Variants in ACACB observed in about 807,000 individuals in gnomAD.
The protein encoded by ACACB is acetyl-CoA carboxylase beta.
ACACB carries 209 observed loss-of-function variants against 278.8 expected under a neutral mutation model. The observed-to-expected ratio is 0.75, with a 90% CI of 0.67 to 0.84. ACACB has a LOEUF of 0.84. Among genes scored for constraint, ACACB ranks in the 40% least tolerant of loss-of-function variants. ACACB has a pLI of 0.00. For synonymous variants in ACACB, 1,174 were observed against 1,285.6 expected, an observed-to-expected ratio of 0.91 and a Z score of 1.86; for missense variants, 2,850 against 3,269.0, an observed-to-expected ratio of 0.87 and a Z score of 3.13.
At position 109,196,942 on chromosome 12, in the gene ACACB, G is replaced by A. The variant is rs918373620; in HGVS notation, c.2482-66G>A. 1.3e-5 allele frequency: 19 copies of A among 1,456,786 alleles called. No individual in the cohort carries two copies. The East Asian group carries it at 1.9e-4, about 15-fold the overall frequency. 90.2% of individuals were successfully genotyped at this position (1,456,786 alleles called of 1,614,324 possible). A position where few individuals can be genotyped will look rare whatever the true frequency, so the allele number is the denominator to read the frequency against. ...CAACCAGCTCTTGTTTGTTGTTAGC[G>A]GGGCCCAGCAGTGCTCTGGGAGCAC... On this transcript the variant is annotated intron_variant, in intron 16 of 52. Transcript: ENST00000338432.
intron 3 of ACACB, among the ~76,000 whole-genome samples, chr12:109,167,621 G>GTATATATCTATATATA (rs2043956150): frequency 1.3e-5 from 1 of 77,528 alleles, no homozygotes; most frequent in Admixed American, 1.5e-4. Flanking sequence ...ATATGTATGT[G>GTATATATCTATATATA]TATATATATA....
At position 109,250,023 on chromosome 12, in the gene ACACB, G is replaced by C; in HGVS notation, c.5709G>C (p.Leu1903Phe). 1.2e-6 allele frequency: 2 copies of C among 1,613,518 alleles called. No homozygotes were observed. Among genetic ancestry groups the C allele is most frequent in the African/African-American group, 1.3e-5 (1 of 75,000 alleles). Residue 1903 changes from leucine to phenylalanine, a missense_variant, in exon 41 of 53, where the codon TTG becomes TTC. Around this residue, in one of 3 missense-constraint regions of ACACB, gnomAD observed 2,265 missense variants for 2,561.3 expected, o/e 0.88. Transcript: ENST00000338432. Reference sequence around the variant, plus strand: ...ATATCATCGGGAAGGATGATGGCTTGGGCGTGGAGAATCTGAGGGGCTCAG... The same window carrying C: ...ATATCATCGGGAAGGATGATGGCTTCGGCGTGGAGAATCTGAGGGGCTCAG... The part of the protein sequence containing the change: ...ITDIIGKDDG[L>F]GVENLRGSGM...
chr12:109,118,518 A>G (rs1220019550), intron 1 of ACACB, among the ~76,000 whole-genome samples: 1 of 151,620 alleles, frequency 6.6e-6, no homozygotes, highest in African/African-American at 2.4e-5. Context: ...GGTTCAAGCA[A>G]TTCCTCAGTC....
Position 109,166,987 on chromosome 12 carries a change from C to G in ACACB, c.780C>G (p.Ile260Met). ...CACGCTTTGGGGGGGATCGGGTCATCGAGAAGGTACAGATGGGTCTCGGCA... is the reference window on the plus strand; with the variant it reads ...CACGCTTTGGGGGGGATCGGGTCATGGAGAAGGTACAGATGGGTCTCGGCA... ...FVTRFGGDRV[I>M]EKVLIANNGI... The change falls in exon 3 of 53, where the codon ATC becomes ATG. Residue 260 changes from isoleucine (I) to methionine (M), a missense_variant. Around this residue, in one of 3 missense-constraint regions of ACACB, gnomAD observed 2,265 missense variants for 2,561.3 expected, o/e 0.88. Transcript: ENST00000338432. 6.2e-7 allele frequency: 1 copy of G among 1,613,870 alleles called. No homozygotes were observed.
chr12:109,171,720 C>A, intron 4 of ACACB, 85 bp from the exon 5 acceptor site: 1 of 1,000,962 alleles, frequency 1.0e-6, no homozygotes, highest in Non-Finnish European at 1.5e-6. Flanking sequence ...CTTTCCATGG[C>A]TGTACATAGT....
In ACACB at chr12:109,258,859, G is replaced by T; in HGVS notation, c.6361-114G>T. 2 of 1,352,350 alleles carry T rather than the reference G, an allele frequency of 1.5e-6. 1 individual carries two copies. Among genetic ancestry groups the T allele is most frequent in the South Asian group, 2.8e-5 (2 of 70,494 alleles). 83.8% of individuals were successfully genotyped at this position (1,352,350 alleles called of 1,614,324 possible). On this transcript the variant is annotated intron_variant, in intron 46 of 52. Transcript: ENST00000338432. ...CCTTCTGAGCCCTGGCTCTGGTGCT[G>T]GGGCCAGCACAGATCAGATCGCCTG...
Position 109,179,165 on chromosome 12 carries a change from C to A in ACACB, c.1515C>A (p.Ile505=). Residue 505 remains isoleucine (I), a synonymous_variant, in exon 10 of 53, where the codon ATC becomes ATA. Transcript: ENST00000338432. ...ACGCCCGTCACCTGGAAGTTCAGATCCTCGCTGACCAGTATGGGAATGCTG... is the reference window on the plus strand; with the variant it reads ...ACGCCCGTCACCTGGAAGTTCAGATACTCGCTGACCAGTATGGGAATGCTG... ...AQHARHLEVQ[I]LADQYGNAVS... The A allele has an allele frequency of 6.2e-7, 1 of 1,614,122 alleles. No individual in the cohort carries two copies. The highest frequency in any genetic ancestry group is 8.5e-7 in the Non-Finnish European group (1 of 1,180,012).
rs776904109 is a variant in ACACB at position 109,209,201 on chromosome 12, C to T, written c.3097C>T (p.Arg1033Trp). The change falls in exon 21 of 53, where the codon CGG becomes TGG. Residue 1033 changes from arginine to tryptophan, a missense_variant. Coordinates refer to ENST00000338432, the MANE Select transcript of ACACB (RefSeq NM_001093.4). ...GGTGCAGAAGCTCATGATGACCCTCCGGCACCCGTCACTGCCGCTGCTGGA... is the reference window on the plus strand; with the variant it reads ...GGTGCAGAAGCTCATGATGACCCTCTGGCACCCGTCACTGCCGCTGCTGGA... Reference protein sequence around the residue: ...EWVQKLMMTLRHPSLPLLELQ... With the variant: ...EWVQKLMMTLWHPSLPLLELQ... The T allele has an allele frequency of 6.0e-5, 96 of 1,607,132 alleles. No individual in the cohort carries two copies. The highest frequency in any genetic ancestry group is 3.4e-4 in the Middle Eastern group (2 of 5,828).
chr12:109,152,640 C>CTTTCT (rs1292930727), intron 2 of ACACB, among the ~76,000 whole-genome samples: 1,117 of 75,002 alleles, frequency 0.015, 14 homozygotes, highest in African/African-American at 0.022. Flanking sequence ...TTCTTTCTTT[C>CTTTCT]TTTTTTTTTT....
chr12:109,229,253 T>G (rs533146662), intron 28 of ACACB, among the ~76,000 whole-genome samples: 2 of 152,198 alleles, frequency 1.3e-5, no homozygotes, highest in East Asian at 3.9e-4. Flanking sequence ...CACACTCTTA[T>G]TTTATTCAGC....
At position 109,180,166 on chromosome 12, in the gene ACACB, C is replaced by T. The variant is rs990047471; in HGVS notation, c.1818+79C>T. The T allele has an allele frequency of 1.6e-4, 241 of 1,464,458 alleles. 2 individuals are homozygous for T. Among genetic ancestry groups the T allele is most frequent in the East Asian group, 4.6e-5 (2 of 43,110 alleles). 90.7% of individuals were successfully genotyped at this position (1,464,458 alleles called of 1,614,324 possible). On this transcript the variant is annotated intron_variant, in intron 11 of 52. Coordinates refer to ENST00000338432, the MANE Select transcript of ACACB (RefSeq NM_001093.4). The stretch of plus-strand genomic sequence containing the variant: ...ATGTGCTGCTCCCATTAGTCCATCC[C>T]GCCCATCTCTTGGCCGACTGTCCCA...
chr12:109,113,214 A>C (rs2042343214), upstream of ACACB: 1 of 152,252 alleles, frequency 6.6e-6, no homozygotes. Flanking sequence ...AGGAAAGAAG[A>C]CATTTCCCAG....
At chr12:109,202,449 G>C (rs961048323) in intron 19 of ACACB, among the ~76,000 whole-genome samples, 31 of 151,958 alleles carry the variant, frequency 2.0e-4, no homozygotes, top group African/African-American at 7.3e-4. Context: ...TGAGTAGCTG[G>C]GGATTATAGG....
intron 2 of ACACB, among the ~76,000 whole-genome samples, chr12:109,144,854 C>T (rs1459325944): frequency 2.0e-5 from 3 of 150,292 alleles, no homozygotes; most frequent in Non-Finnish European, 2.9e-5. Flanking sequence ...CTCTGCCTCC[C>T]GGGTTCAAGT....
At chr12:109,174,695 T>C (rs2044227424) in intron 7 of ACACB, among the ~76,000 whole-genome samples, 1 of 140,550 alleles carries the variant, frequency 7.1e-6, no homozygotes, top group East Asian at 2.0e-4. Context: ...AGACCCCATC[T>C]CCAGAAAAAG....
At chr12:109,263,961 G>A (rs2047445224) in intron 49 of ACACB, 1 of 382,452 alleles carries the variant, frequency 2.6e-6, no homozygotes, top group Non-Finnish European at 4.7e-6. Flanking sequence ...GCATTTCTGA[G>A]ACTGTACTAG....
chr12:109,167,637 A>ATATG (rs1384882667), intron 3 of ACACB, among the ~76,000 whole-genome samples: 2 of 131,302 alleles, frequency 1.5e-5, no homozygotes, highest in Non-Finnish European at 3.2e-5. Flanking sequence ...ATATATATAT[A>ATATG]TATATATATA....
At chr12:109,130,682 G>T (rs545542871) in intron 1 of ACACB, among the ~76,000 whole-genome samples, 1 of 152,320 alleles carries the variant, frequency 6.6e-6, no homozygotes, top group Admixed American at 6.5e-5. Flanking sequence ...GCAGGTGAAG[G>T]TGTCCACCAG....
At position 109,230,567 on chromosome 12, in the gene ACACB, C is replaced by T. The variant is rs935797359; in HGVS notation, c.4002-2102C>T. Among the ~76,000 whole-genome samples the T allele has an allele frequency of 2.0e-5, 3 of 152,362 alleles. No homozygotes were observed. In the East Asian group the frequency reaches 5.8e-4, roughly 29 times the overall value. The stretch of plus-strand genomic sequence containing the variant: ...CTCCCTGTGTAGCTGGGACCACAGG[C>T]TTGCGCCACCACACCTGGCTAATTC... On this transcript the variant is annotated intron_variant, in intron 28 of 52. Transcript: ENST00000338432.
Sources: allele counts gnomAD v4.1 joint callset (sites outside exome capture counted in the v4.1 genomes callset), GRCh38; gene constraint gnomAD v4.1.1; regional missense constraint gnomAD v4.1.1; transcripts MANE v1.5; gene names NCBI Gene and HGNC (gene_info 2026-07-23, HGNC 2026-07-21).